ARPC1B: variants seen among roughly 807,000 people sequenced by gnomAD.
ARPC1B encodes actin-related protein 2/3 complex subunit 1B.
Under a neutral mutation model 46.0 loss-of-function variants are expected in ARPC1B, and 29 were observed. That is an observed-to-expected ratio of 0.63 (90% CI 0.47 to 0.86). ARPC1B has a LOEUF of 0.86. Among genes scored for constraint, ARPC1B ranks in the 40% least tolerant of loss-of-function variants. ARPC1B has a pLI of 0.00. For synonymous variants in ARPC1B, 201 were observed against 213.9 expected, an observed-to-expected ratio of 0.94 and a Z score of 0.53; for missense variants, 469 against 529.4, an observed-to-expected ratio of 0.89 and a Z score of 1.12.
At chr7:99,380,841 G>A (rs1794194795) in intron 1 of ARPC1B, among the ~76,000 whole-genome samples, 1 of 152,182 alleles carries the variant, frequency 6.6e-6, no homozygotes, top group Admixed American at 6.5e-5. Context: ...GGGCCTCCTG[G>A]GGCTGAAAGG....
intron 1 of ARPC1B, among the ~76,000 whole-genome samples, chr7:99,378,910 G>A (rs993348218): frequency 3.3e-5 from 5 of 150,584 alleles, no homozygotes; most frequent in African/African-American, 7.3e-5. Flanking sequence ...CCGAGTAGCT[G>A]GGACTACAGG....
intron 1 of ARPC1B, among the ~76,000 whole-genome samples, chr7:99,375,524 G>C (rs940763984): frequency 1.3e-5 from 2 of 152,128 alleles, no homozygotes; most frequent in African/African-American, 4.8e-5. Flanking sequence ...GCCTAGGGCG[G>C]GGCGGGGCCG....
chr7:99,389,000 AAT>A (rs1429619696), intron 4 of ARPC1B: 1 of 139,500 alleles, frequency 7.2e-6, no homozygotes, highest in African/African-American at 2.8e-5. Context: ...GCAGTGGCAC[AAT>A]CTCAGCTCAC....
intron 8 of ARPC1B, among the ~76,000 whole-genome samples, chr7:99,393,762 T>C (rs1053897428): frequency 1.3e-5 from 2 of 152,182 alleles, no homozygotes; most frequent in African/African-American, 2.4e-5. Flanking sequence ...TTTTTTGTCC[T>C]GTCCAGCTGC....
intron 3 of ARPC1B, 97 bp from the exon 4 acceptor site, chr7:99,387,942 C>A (rs975391937): frequency 2.5e-6 from 2 of 791,512 alleles, no homozygotes; most frequent in African/African-American, 1.7e-5. Flanking sequence ...CAGCTTCCAC[C>A]TGGATGGTGG....
chr7:99,378,777 T>TTC (rs1347130339), intron 1 of ARPC1B, among the ~76,000 whole-genome samples: 9 of 130,550 alleles, frequency 6.9e-5, no homozygotes, highest in African/African-American at 3.0e-4. Flanking sequence ...TCTTTTTCTT[T>TTC]TTTTTTTTTT....
At chr7:99,393,796 G>A (rs1019454809) in intron 8 of ARPC1B, among the ~76,000 whole-genome samples, 7 of 152,000 alleles carry the variant, frequency 4.6e-5, no homozygotes, top group Non-Finnish European at 8.8e-5. Flanking sequence ...TGTACACTCC[G>A]CAGACACACG....
chr7:99,390,956 G>C lies in ARPC1B; in HGVS notation c.564G>C (p.Lys188Asn). 3.7e-6 allele frequency: 6 copies of C among 1,613,858 alleles called. No individual in the cohort carries two copies. The highest frequency in any genetic ancestry group is 5.1e-6 in the Non-Finnish European group (6 of 1,179,916). ...ERPAPTPWGS[K>N]MPFGELMFES... ...CGGCACCCACCCCGTGGGGCTCCAA[G>C]ATGCCCTTTGGGGAACTGATGTTCG... Residue 188 changes from lysine to asparagine, a missense_variant, in exon 6 of 10, where the codon AAG becomes AAC. Lys to Asn is a moderately conservative substitution (Grantham distance 94). Coordinates refer to ENST00000646101, the MANE Select transcript of ARPC1B (RefSeq NM_005720.4).
Position 99,392,897 on chromosome 7 carries a change from G to A in ARPC1B, c.989+21G>A, listed in dbSNP as rs1463030588. 3.9e-6 allele frequency: 6 copies of A among 1,521,350 alleles called. No homozygotes were observed. The South Asian group carries it at 6.1e-5, about 15-fold the overall frequency. 94.2% of individuals were successfully genotyped at this position (1,521,350 alleles called of 1,614,324 possible). On this transcript the variant is annotated intron_variant, in intron 8 of 9. Coordinates refer to ENST00000646101, the MANE Select transcript of ARPC1B (RefSeq NM_005720.4). ...GTCAGGTGAGAGCGGGAGCCGGGCC[G>A]GCGGGTGGGCGGGGCCTCGGCTCGC... is the stretch of plus-strand genomic sequence containing the variant.
rs1584404515 is a variant in ARPC1B, at chr7:99,385,589, C to T, written c.-13-113C>T. ...CTCTGCAAACTGCTGCCCCTCTAAA[C>T]TGAGGGGCCTCCCTGGTGTGAGGCC... On this transcript the variant is annotated intron_variant, in intron 1 of 9. Transcript: ENST00000646101. The T allele has an allele frequency of 6.6e-6, 6 of 911,592 alleles. No individual in the cohort carries two copies. In the East Asian group the frequency reaches 1.6e-4, roughly 24 times the overall value. 56.5% of individuals were successfully genotyped at this position (911,592 alleles called of 1,614,324 possible).
chr7:99,376,195 C>T (rs1794027357), intron 1 of ARPC1B, among the ~76,000 whole-genome samples: 1 of 152,114 alleles, frequency 6.6e-6, no homozygotes, highest in African/African-American at 2.4e-5. Context: ...GGCAACAGAG[C>T]CAGACTCCGT....
chr7:99,394,594 A>C lies in ARPC1B; in HGVS notation c.*105A>C. 6 of 1,581,416 alleles carry C rather than the reference A, an allele frequency of 3.8e-6. No homozygotes were observed. The highest frequency in any genetic ancestry group is 5.2e-6 in the Non-Finnish European group (6 of 1,163,076). ...TGAATGTTTCTGGGGTACCAATACG[A>C]GTTCCCATAGGGGCTGCTCCCTCAA... On this transcript the variant is annotated 3_prime_UTR_variant, in exon 10 of 10. Coordinates refer to ENST00000646101, the MANE Select transcript of ARPC1B (RefSeq NM_005720.4).
chr7:99,393,343 A>C (rs1357267971), intron 8 of ARPC1B, among the ~76,000 whole-genome samples: 2 of 152,266 alleles, frequency 1.3e-5, no homozygotes, highest in South Asian at 4.1e-4. Flanking sequence ...GGGGCTGAGC[A>C]GCTAGCCTCG....
chr7:99,388,359 C>T, intron 4 of ARPC1B, 98 bp downstream of exon 4: 1 of 1,212,268 alleles, frequency 8.2e-7, no homozygotes, highest in Non-Finnish European at 1.2e-6. Context: ...GACCCCTGTT[C>T]CCATCACCCT....
At chr7:99,382,075 C>A (rs1794245404) in intron 1 of ARPC1B, among the ~76,000 whole-genome samples, 1 of 152,190 alleles carries the variant, frequency 6.6e-6, no homozygotes, top group Non-Finnish European at 1.5e-5. Flanking sequence ...AGCCTGGCAT[C>A]CCTCCCCAAG....
At chr7:99,386,844 G>A in intron 3 of ARPC1B, 55 bp downstream of exon 3, 2 of 1,391,026 alleles carry the variant, frequency 1.4e-6, no homozygotes, top group Non-Finnish European at 2.0e-6. Context: ...GGTTGGGGGG[G>A]TGGTGCAAGG....
rs538627991 is a variant in ARPC1B at position 99,378,883 on chromosome 7, T to C, written c.-14+4102T>C. Among the ~76,000 whole-genome samples, 484 of 144,158 alleles carry C rather than the reference T, an allele frequency of 3.4e-3. 3 individuals are homozygous for C. The highest frequency in any genetic ancestry group is 0.012 in the African/African-American group (448 of 36,878). The allele number at this position is 144,158 out of a possible 152,430, so 94.6% of individuals were successfully genotyped here. On this transcript the variant is annotated intron_variant, in intron 1 of 9. Coordinates refer to ENST00000646101, the MANE Select transcript of ARPC1B (RefSeq NM_005720.4). ...GCTCCGCCTTCCGGGTTCACGCCAT[T>C]CTCTTGCCTCAGCCTCCCGAGTAGC...
At chr7:99,388,448 C>G (rs1449856950) in intron 4 of ARPC1B, among the ~76,000 whole-genome samples, 187 bp downstream of exon 4, 2 of 152,144 alleles carry the variant, frequency 1.3e-5, no homozygotes, top group Non-Finnish European at 2.9e-5. Flanking sequence ...TTCTCACTGC[C>G]AGTGACACCC....
intron 1 of ARPC1B, among the ~76,000 whole-genome samples, chr7:99,380,094 C>G (rs921144162): frequency 2.0e-5 from 3 of 152,114 alleles, no homozygotes; most frequent in African/African-American, 7.2e-5. Flanking sequence ...TGAAGCAGCC[C>G]TCGTATTTTT....
Sources: allele counts gnomAD v4.1 joint callset (sites outside exome capture counted in the v4.1 genomes callset), GRCh38; gene constraint gnomAD v4.1.1; transcripts MANE v1.5; gene names NCBI Gene and HGNC (gene_info 2026-07-23, HGNC 2026-07-21).